Variants in PRR13 observed in about 807,000 individuals in gnomAD.
PRR13 encodes proline-rich protein 13.
A neutral mutation model predicts 11.5 loss-of-function variants in PRR13; 7 were observed. That is an observed-to-expected ratio of 0.61 (90% CI 0.34 to 1.14). The LOEUF is 1.14. Ranked by LOEUF, PRR13 falls within the 50% of genes most tolerant of loss-of-function variation. The pLI, the probability that PRR13 is intolerant of heterozygous loss-of-function variation, is 0.03. For missense variants in PRR13, 155 were observed against 194.4 expected (o/e 0.80, Z 1.21); for synonymous variants, 53 against 67.8 (o/e 0.78, Z 1.07).
rs145519750 is a variant in PRR13, at chr12:53,446,556, C to T, written c.*497C>T. ...CCATTTGGTTGATGAGCTTTGACTG[C>T]GGTTTTGGAACCTTACCTCTCCTCC... On this transcript the variant is annotated 3_prime_UTR_variant, in exon 4 of 4. Coordinates refer to ENST00000429243, the MANE Select transcript of PRR13 (RefSeq NM_018457.4). 571 of 159,132 alleles carry T rather than the reference C, an allele frequency of 3.6e-3. 5 individuals are homozygous for T. The highest frequency in any genetic ancestry group is 0.013 in the Middle Eastern group (4 of 318). The allele number at this position is 159,132 out of a possible 1,614,324, so 9.9% of individuals were successfully genotyped here.
chr12:53,442,045 CTG>C (rs1940302093), intron 1 of PRR13: 1 of 567,190 alleles, frequency 1.8e-6, no homozygotes, highest in Non-Finnish European at 3.1e-6. Flanking sequence ...CTTTCTTACT[CTG>C]TGCGTGGTTA....
chr12:53,443,610 C>T lies in PRR13; in HGVS notation c.239C>T (p.Pro80Leu). The change falls in exon 3 of 4, where the codon CCA becomes CTA. Residue 80 changes from proline to leucine, a missense_variant. By Grantham distance (98) the Pro-to-Leu change is moderately conservative. Coordinates refer to ENST00000429243, the MANE Select transcript of PRR13 (RefSeq NM_018457.4). Reference protein sequence around the residue: ...GCQPLGPYPPPYPPPAPGIPP... With the variant: ...GCQPLGPYPPLYPPPAPGIPP... ...CAACCGTTGGGTCCCTACCCTCCTCCATACCCACCGCCTGCCCCTGGAATC... is the reference window on the plus strand; with the variant it reads ...CAACCGTTGGGTCCCTACCCTCCTCTATACCCACCGCCTGCCCCTGGAATC... The T allele has an allele frequency of 6.2e-7, 1 of 1,613,792 alleles. No individual in the cohort carries two copies. The highest frequency in any genetic ancestry group is 1.1e-5 in the South Asian group (1 of 91,024).
chr12:53,443,857 C>T (rs1317500351), intron 3 of PRR13, 84 bp downstream of exon 3: 10 of 1,448,750 alleles, frequency 6.9e-6, no homozygotes, highest in African/African-American at 1.4e-5. Context: ...GGGGGATTCA[C>T]ATTCTGTGGA....
chr12:53,443,663 A>G lies in PRR13; in HGVS notation c.292A>G (p.Met98Val). The change falls in exon 3 of 4, where the codon ATG becomes GTG. Residue 98 changes from methionine (M) to valine (V), a missense_variant. Met to Val is a conservative substitution (Grantham distance 21). Transcript: ENST00000429243. ...IPPVNPLAPG[M>V]VGPAVIVDKK... ...TCCTGTGAATCCCTTGGCTCCTGGC[A>G]TGGTTGGACCAGCAGTGATAGTAGA... The G allele has an allele frequency of 6.2e-7, 1 of 1,614,180 alleles. No individual in the cohort carries two copies.
rs776674751 is a variant in PRR13, at chr12:53,443,601, A to G, written c.230A>G (p.Tyr77Cys). The G allele has an allele frequency of 2.5e-6, 4 of 1,610,694 alleles. No individual in the cohort carries two copies. In the South Asian group the frequency reaches 3.3e-5, roughly 13 times the overall value. ...CCAGGATGCCAACCGTTGGGTCCCT[A>G]CCCTCCTCCATACCCACCGCCTGCC... ...GYPGCQPLGP[Y>C]PPPYPPPAPG... The change falls in exon 3 of 4, where the codon TAC becomes TGC. Residue 77 changes from tyrosine to cysteine, a missense_variant. Transcript: ENST00000429243.
intron 1 of PRR13, 99 bp from the exon 2 acceptor site, chr12:53,442,596 C>A: frequency 2.0e-6 from 2 of 995,154 alleles, no homozygotes; most frequent in Non-Finnish European, 1.6e-6. Flanking sequence ...GGTAGGAGAG[C>A]CTACTGTGGG....
intron 2 of PRR13, 197 bp downstream of exon 2, chr12:53,442,930 C>G (rs1356415112): frequency 2.1e-6 from 1 of 474,426 alleles, no homozygotes; most frequent in Non-Finnish European, 3.6e-6. Flanking sequence ...TGCCCAGGCT[C>G]ACTGCAACCT....
chr12:53,443,268 T>A, intron 2 of PRR13, 123 bp from the exon 3 acceptor site: 1 of 1,102,924 alleles, frequency 9.1e-7, no homozygotes. Flanking sequence ...CTACCCTCCA[T>A]TCTTCTTTGT....
At chr12:53,445,548 A>G (rs977393552) in intron 3 of PRR13, among the ~76,000 whole-genome samples, 5 of 152,098 alleles carry the variant, frequency 3.3e-5, no homozygotes, top group African/African-American at 1.2e-4. Context: ...TGTGCTTGGG[A>G]AAAAGTAGAG....
At chr12:53,444,029 A>C in intron 3 of PRR13, 1 of 523,658 alleles carries the variant, frequency 1.9e-6, no homozygotes, top group Non-Finnish European at 3.3e-6. Flanking sequence ...CAAAAGCCAA[A>C]TCTTTTCTGC....
chr12:53,444,260 A>G (rs2136991096), intron 3 of PRR13, among the ~76,000 whole-genome samples: 1 of 151,878 alleles, frequency 6.6e-6, no homozygotes, highest in South Asian at 2.1e-4. Context: ...TTGCCCTATC[A>G]TCCAGCAGAA....
intron 1 of PRR13, chr12:53,442,197 C>T (rs1295144815): frequency 3.5e-6 from 1 of 284,046 alleles, no homozygotes; most frequent in Non-Finnish European, 6.6e-6. Context: ...GTGTTAGGAA[C>T]CAAGTAGGTA....
In PRR13 at chr12:53,446,001, CT is replaced by C; in HGVS notation, c.403-11del. 1 of 1,612,114 alleles carries C rather than the reference CT, an allele frequency of 6.2e-7. No homozygotes were observed. The highest frequency in any genetic ancestry group is 8.5e-7 in the Non-Finnish European group (1 of 1,179,268). On this transcript the variant is annotated splice_polypyrimidine_tract_variant and intron_variant, in intron 3 of 3. Transcript: ENST00000429243. ...GATGCTATCTTCTTTCCCCTTTCCC[CT>C]TTCCCCTTGCAGCATTCCTCCTCTT...
At position 53,443,721 on chromosome 12, in the gene PRR13, A is replaced by G; in HGVS notation, c.350A>G (p.His117Arg). The G allele has an allele frequency of 6.2e-7, 1 of 1,613,932 alleles. No homozygotes were observed. The highest frequency in any genetic ancestry group is 8.5e-7 in the Non-Finnish European group (1 of 1,179,894). The change falls in exon 3 of 4, where the codon CAT becomes CGT. Residue 117 changes from histidine (H) to arginine (R), a missense_variant. Coordinates refer to ENST00000429243, the MANE Select transcript of PRR13 (RefSeq NM_018457.4). Reference protein sequence around the residue: ...KKMQKKMKKAHKKMHKHQKHH... With the variant: ...KKMQKKMKKARKKMHKHQKHH... ...ATGCAGAAGAAAATGAAGAAAGCTC[A>G]TAAAAAGATGCACAAGCACCAAAAG...
rs748747518 is a variant in PRR13, at chr12:53,443,720, C to T, written c.349C>T (p.His117Tyr). 38 of 1,613,866 alleles carry T rather than the reference C, an allele frequency of 2.4e-5. No individual in the cohort carries two copies. Among genetic ancestry groups the T allele is most frequent in the Non-Finnish European group, 3.2e-5 (38 of 1,179,924 alleles). The change falls in exon 3 of 4, where the codon CAT becomes TAT. Residue 117 changes from histidine (H) to tyrosine (Y), a missense_variant. Physicochemically the swap from His to Tyr is moderately conservative, Grantham distance 83 (BLOSUM62 2). Transcript: ENST00000429243. ...KKMQKKMKKA[H>Y]KKMHKHQKHH... is the part of the protein sequence containing the mutation. ...GATGCAGAAGAAAATGAAGAAAGCT[C>T]ATAAAAAGATGCACAAGCACCAAAA...
At chr12:53,444,490 C>T (rs992134470) in intron 3 of PRR13, among the ~76,000 whole-genome samples, 23 of 152,084 alleles carry the variant, frequency 1.5e-4, no homozygotes, top group Middle Eastern at 3.2e-3. Flanking sequence ...CCACCGCGCC[C>T]GGCTAATTCT....
At position 53,441,803 on chromosome 12, in the gene PRR13, A is replaced by G. The variant is rs1036776537; in HGVS notation, c.-21+11A>G. 1 of 702,352 alleles carries G rather than the reference A, an allele frequency of 1.4e-6. No homozygotes were observed. The highest frequency in any genetic ancestry group is 2.6e-6 in the Non-Finnish European group (1 of 384,824). 43.5% of individuals were successfully genotyped at this position (702,352 alleles called of 1,614,324 possible). On this transcript the variant is annotated intron_variant, in intron 1 of 3. Transcript: ENST00000429243. The stretch of plus-strand genomic sequence containing the variant: ...GGCGGCGGTGGAAAGGTGATGGGGT[A>G]TCTGGATTCCATAGGTTTTTCCTTT...
intron 3 of PRR13, 26 bp downstream of exon 3, chr12:53,443,799 G>C: frequency 6.4e-7 from 1 of 1,572,514 alleles, no homozygotes; most frequent in Non-Finnish European, 8.6e-7. Flanking sequence ...AGACTGGCTA[G>C]GGAAGGAGTC....
In PRR13 at chr12:53,442,707, A is replaced by C; in HGVS notation, c.-8A>C. 6.2e-7 allele frequency: 1 copy of C among 1,610,298 alleles called. No homozygotes were observed. Among genetic ancestry groups the C allele is most frequent in the Non-Finnish European group, 8.5e-7 (1 of 1,176,724 alleles). On this transcript the variant is annotated 5_prime_UTR_variant, in exon 2 of 4. Transcript: ENST00000429243. ...TCTTTCTCCTCAGGCTGGAGGACAC[A>C]CCTAAACATGTGGAATCCCAATGCC...
Sources: gnomAD v4.1 joint callset for allele counts (sites outside exome capture counted in the v4.1 genomes callset) on GRCh38, gnomAD v4.1.1 for gene constraint, MANE v1.5 for transcripts, NCBI Gene and HGNC (gene_info 2026-07-23, HGNC 2026-07-21) for gene names.